The following PRH1 variants were observed in gnomAD, a reference collection of about 807,000 sequenced individuals.
PRH1 encodes the protein proline rich protein HaeIII subfamily 1.
A neutral mutation model predicts 7.9 loss-of-function variants in PRH1; 7 were observed. The ratio of observed to expected loss-of-function variants is 0.89; its 90% confidence interval spans 0.50 to 1.67. The LOEUF (loss-of-function observed/expected upper bound fraction) is 1.67. Among genes scored for constraint, PRH1 ranks in the 40% most tolerant of loss-of-function variants. The pLI is 0.00. For missense variants in PRH1, 109 were observed against 223.6 expected, an observed-to-expected ratio of 0.49 and a Z score of 3.27; for synonymous variants, 45 against 80.8, an observed-to-expected ratio of 0.56 and a Z score of 2.38.
intron 1 of PRH1, among the ~76,000 whole-genome samples, chr12:11,153,563 C>T (rs1445499406): frequency 6.6e-6 from 1 of 152,090 alleles, no homozygotes; most frequent in African/African-American, 2.4e-5. Context: ...ACTCTTCCTC[C>T]CCTCGCTGAG....
chr12:10,989,075 TG>T (rs1939797165), intron 1 of PRH1, among the ~76,000 whole-genome samples: 1 of 152,328 alleles, frequency 6.6e-6, no homozygotes, highest in African/African-American at 2.4e-5. Context: ...CCCAAAGTGC[TG>T]GGATTACAGG....
intron 2 of PRH1, among the ~76,000 whole-genome samples, chr12:10,957,073 CA>C: frequency 6.7e-6 from 1 of 149,628 alleles, no homozygotes; most frequent in Non-Finnish European, 1.5e-5. Flanking sequence ...TTTTAAAATT[CA>C]CTGGGAATGA....
intron 1 of PRH1, among the ~76,000 whole-genome samples, chr12:11,053,209 C>G (rs1392595793): frequency 6.4e-5 from 5 of 77,802 alleles, no homozygotes; most frequent in African/African-American, 1.8e-4. Flanking sequence ...ACAGATACAT[C>G]ATTGTATTCC....
intron 2 of PRH1, chr12:10,938,381 T>A (rs757978325): frequency 3.7e-6 from 6 of 1,613,824 alleles, no homozygotes; most frequent in South Asian, 3.3e-5. Context: ...AACACATGAG[T>A]GACATGAAGG....
intron 2 of PRH1, among the ~76,000 whole-genome samples, chr12:10,901,910 AGAG>A (rs1191073731): frequency 1.2e-4 from 18 of 152,162 alleles, no homozygotes; most frequent in Non-Finnish European, 5.9e-5. Context: ...CAGTATTGCC[AGAG>A]GAGGAGGAAA....
chr12:11,099,870 G>A (rs376740620), intron 1 of PRH1, among the ~76,000 whole-genome samples: 14 of 152,268 alleles, frequency 9.2e-5, no homozygotes, highest in South Asian at 2.1e-4. Context: ...TTGAGGAGCC[G>A]AAAGAAAAAG....
At chr12:10,987,371 C>T (rs1939703544) in intron 1 of PRH1, among the ~76,000 whole-genome samples, 1 of 152,040 alleles carries the variant, frequency 6.6e-6, no homozygotes, top group African/African-American at 2.4e-5. Flanking sequence ...AACGGATTTA[C>T]TATTTATGCT....
chr12:10,930,210 T>C, intron 2 of PRH1: 1 of 1,570,274 alleles, frequency 6.4e-7, no homozygotes, highest in Non-Finnish European at 8.8e-7. Context: ...CGTAGAACAC[T>C]ATGAGCTCTG....
At chr12:11,151,861 G>A (rs986445742) in intron 1 of PRH1, among the ~76,000 whole-genome samples, 1 of 151,826 alleles carries the variant, frequency 6.6e-6, no homozygotes, top group Admixed American at 6.6e-5. Context: ...ATCTATTAGT[G>A]AGTTGATTAT....
At chr12:11,151,566 T>G (rs559251614) in intron 1 of PRH1, among the ~76,000 whole-genome samples, 1 of 152,330 alleles carries the variant, frequency 6.6e-6, no homozygotes, top group East Asian at 1.9e-4. Flanking sequence ...ATTTGCTCTC[T>G]TCCTTTTTTT....
intron 1 of PRH1, among the ~76,000 whole-genome samples, chr12:11,006,451 C>T (rs10845286): frequency 0.3 from 45,102 of 148,802 alleles, 8,701 homozygotes; most frequent in East Asian, 0.74. Context: ...CATACCTCGC[C>T]GTAGTCTTGA....
chr12:10,971,102 G>A (rs188230496), intron 2 of PRH1, among the ~76,000 whole-genome samples: 2 of 136,050 alleles, frequency 1.5e-5, no homozygotes, highest in Admixed American at 7.4e-5. Flanking sequence ...TTTACTCCCC[G>A]TGTTTACCAC....
At chr12:11,039,595 G>C (rs1352690187) in intron 1 of PRH1, among the ~76,000 whole-genome samples, 5 of 152,182 alleles carry the variant, frequency 3.3e-5, no homozygotes, top group African/African-American at 4.8e-5. Context: ...ATGACACATT[G>C]GTTTTATTAC....
At chr12:11,046,476 A>C (rs538640336) in intron 1 of PRH1, among the ~76,000 whole-genome samples, 1 of 152,006 alleles carries the variant, frequency 6.6e-6, no homozygotes, top group Non-Finnish European at 1.5e-5. Flanking sequence ...GTTATGCCAA[A>C]CTCAGTCCTC....
chr12:11,017,707 A>T (rs892533566), intron 1 of PRH1, among the ~76,000 whole-genome samples: 15 of 151,860 alleles, frequency 9.9e-5, no homozygotes, highest in Non-Finnish European at 1.9e-4. Context: ...TGCTCAGGCT[A>T]GTCTCAAACT....
intron 1 of PRH1, among the ~76,000 whole-genome samples, chr12:11,007,758 T>C (rs1238807087): frequency 3.3e-5 from 5 of 152,016 alleles, no homozygotes; most frequent in Non-Finnish European, 5.9e-5. Context: ...CCCACACTAG[T>C]ACACCATTCC....
At chr12:11,140,490 T>G (rs1350763780) in intron 1 of PRH1, among the ~76,000 whole-genome samples, 2 of 152,164 alleles carry the variant, frequency 1.3e-5, no homozygotes, top group Non-Finnish European at 2.9e-5. Flanking sequence ...GAATGTGCAG[T>G]AATGTTCTTG....
intron 1 of PRH1, among the ~76,000 whole-genome samples, chr12:11,144,293 C>T (rs561332336): frequency 1.3e-5 from 2 of 152,056 alleles, no homozygotes; most frequent in South Asian, 4.2e-4. Context: ...GGATGAGATT[C>T]CCAGGTCACT....
intron 1 of PRH1, among the ~76,000 whole-genome samples, chr12:11,019,580 G>C (rs1941484940): frequency 6.6e-6 from 1 of 152,268 alleles, no homozygotes; most frequent in South Asian, 2.1e-4. Flanking sequence ...AAAGGTGACT[G>C]GTTACAAACT....
Sources: gnomAD v4.1 joint callset for allele counts (sites outside exome capture counted in the v4.1 genomes callset) on GRCh38, gnomAD v4.1.1 for gene constraint, MANE v1.5 for transcripts, NCBI Gene and HGNC (gene_info 2026-07-23, HGNC 2026-07-21) for gene names.